The following XRCC4 variants were observed in gnomAD, a reference collection of about 807,000 sequenced individuals.
The protein encoded by XRCC4 is DNA repair protein XRCC4.
XRCC4 carries 28 observed loss-of-function variants against 39.1 expected under a neutral mutation model. The observed-to-expected ratio is 0.72, with a 90% confidence interval of 0.53 to 0.98. The LOEUF (loss-of-function observed/expected upper bound fraction) is 0.98. Ranked by LOEUF, XRCC4 falls within the 50% of genes least tolerant of loss-of-function variation. The probability of loss-of-function intolerance (pLI) is 0.00; values close to 1 mark genes in which losing one functional copy is unlikely to be tolerated. For missense variants in XRCC4, 350 were observed against 376.4 expected, an observed-to-expected ratio of 0.93 and a Z score of 0.58; for synonymous variants, 123 against 126.4, an observed-to-expected ratio of 0.97 and a Z score of 0.18.
At chr5:83,252,043 A>G (rs1428582807) in intron 6 of XRCC4, among the ~76,000 whole-genome samples, 1 of 152,218 alleles carries the variant, frequency 6.6e-6, no homozygotes, top group Non-Finnish European at 1.5e-5. Flanking sequence ...CTACCTCAAG[A>G]TAGGTAACTT....
chr5:83,216,864 G>A (rs895469404), intron 6 of XRCC4, among the ~76,000 whole-genome samples: 2 of 152,048 alleles, frequency 1.3e-5, no homozygotes, highest in African/African-American at 4.8e-5. Context: ...GGACATGATG[G>A]AACTGTCCTA....
chr5:83,350,389 A>G (rs895942897), intron 7 of XRCC4, among the ~76,000 whole-genome samples: 2 of 152,224 alleles, frequency 1.3e-5, no homozygotes, highest in Admixed American at 6.5e-5. Flanking sequence ...CCAACAATGT[A>G]TAAGTGTCCC....
chr5:83,332,225 C>A, intron 7 of XRCC4, among the ~76,000 whole-genome samples: 1 of 88,488 alleles, frequency 1.1e-5, no homozygotes, highest in African/African-American at 5.0e-5. Context: ...TTTCAATCTT[C>A]TACACACACA....
At chr5:83,229,853 A>G (rs563960694) in intron 6 of XRCC4, among the ~76,000 whole-genome samples, 1 of 151,990 alleles carries the variant, frequency 6.6e-6, no homozygotes, top group South Asian at 2.1e-4. Context: ...ATTATTAGAA[A>G]GTTAATTTAT....
At chr5:83,200,044 T>G (rs1751117272) in intron 4 of XRCC4, among the ~76,000 whole-genome samples, 1 of 152,130 alleles carries the variant, frequency 6.6e-6, no homozygotes, top group Non-Finnish European at 1.5e-5. Flanking sequence ...CACTAAATGT[T>G]CTCACCTAAC....
intron 7 of XRCC4, among the ~76,000 whole-genome samples, chr5:83,290,405 A>G (rs1411334701): frequency 2.0e-5 from 3 of 151,036 alleles, no homozygotes; most frequent in African/African-American, 4.8e-5. Flanking sequence ...AAACTTAAAT[A>G]TCTATATTTT....
intron 7 of XRCC4, among the ~76,000 whole-genome samples, chr5:83,289,040 G>A (rs1754828151): frequency 6.6e-6 from 1 of 151,360 alleles, no homozygotes; most frequent in Non-Finnish European, 1.5e-5. Flanking sequence ...TTCATTAACT[G>A]TATTTATTCT....
chr5:83,153,144 C>CT (rs1481672545), intron 3 of XRCC4, among the ~76,000 whole-genome samples: 5 of 151,766 alleles, frequency 3.3e-5, no homozygotes, highest in Non-Finnish European at 5.9e-5. Context: ...TTAGGACTGG[C>CT]TTTTTTTCAC....
chr5:83,221,550 T>C (rs1447581335), intron 6 of XRCC4, among the ~76,000 whole-genome samples: 4 of 152,094 alleles, frequency 2.6e-5, no homozygotes, highest in Admixed American at 2.6e-4. Flanking sequence ...TTATATTCCA[T>C]GCCTTCATTT....
chr5:83,367,446 A>G, the XRCC4 span, among the ~76,000 whole-genome samples: 16 of 152,258 alleles, frequency 1.1e-4, no homozygotes, highest in Non-Finnish European at 1.3e-4. Context: ...CATCCTGCTC[A>G]TCGTTTACTG....
chr5:83,280,425 T>C (rs1014721495), intron 7 of XRCC4: 5 of 658,488 alleles, frequency 7.6e-6, no homozygotes, highest in African/African-American at 3.7e-5. Context: ...TTATTAATGG[T>C]GCCGCAATTT....
intron 3 of XRCC4, among the ~76,000 whole-genome samples, chr5:83,195,038 T>C (rs1750880107): frequency 6.6e-6 from 1 of 152,192 alleles, no homozygotes; most frequent in Admixed American, 6.5e-5. Context: ...AGGATAAATA[T>C]AATCATTATT....
chr5:83,178,541 C>G (rs1395208445), intron 3 of XRCC4, among the ~76,000 whole-genome samples: 1 of 152,004 alleles, frequency 6.6e-6, no homozygotes, highest in Non-Finnish European at 1.5e-5. Flanking sequence ...CAAGCCAGTG[C>G]AAGCAAAATA....
intron 6 of XRCC4, among the ~76,000 whole-genome samples, chr5:83,225,255 A>T (rs1752243317): frequency 6.6e-6 from 1 of 151,880 alleles, no homozygotes; most frequent in African/African-American, 2.4e-5. Context: ...TAGGAGCCAG[A>T]CTCTTAAGTT....
At chr5:83,174,343 T>G (rs1749858269) in intron 3 of XRCC4, among the ~76,000 whole-genome samples, 1 of 152,206 alleles carries the variant, frequency 6.6e-6, no homozygotes, top group African/African-American at 2.4e-5. Context: ...TTTAAAAATT[T>G]TTTTTGAAGA....
At chr5:83,162,848 C>T (rs1242330492) in intron 3 of XRCC4, among the ~76,000 whole-genome samples, 1 of 152,044 alleles carries the variant, frequency 6.6e-6, no homozygotes, top group Non-Finnish European at 1.5e-5. Flanking sequence ...TGAGCATAGT[C>T]CCTGCTGCTA....
In XRCC4 at chr5:83,110,650, T is replaced by G. The variant is rs368773830; in HGVS notation, c.140-378T>G. On this transcript the variant is annotated intron_variant, in intron 2 of 7. Transcript: ENST00000396027. ...AACACAGTATAGGCTATTGAATCTT[T>G]GATGCAAGGAAGAAAGATGTTATAA... Among the ~76,000 whole-genome samples the G allele has an allele frequency of 1.1e-4, 17 of 152,186 alleles. 1 individual carries two copies. The East Asian group carries it at 2.5e-3, about 22-fold the overall frequency.
chr5:83,340,068 A>G (rs1413296602), intron 7 of XRCC4, among the ~76,000 whole-genome samples: 2 of 152,096 alleles, frequency 1.3e-5, no homozygotes, highest in Non-Finnish European at 2.9e-5. Flanking sequence ...ATAAGACCCA[A>G]TGTCTGTTTC....
Position 83,258,575 on chromosome 5 carries a change from CT to C in XRCC4, c.792del (p.Asp265IlefsTer55). 1 of 1,608,990 alleles carries C rather than the reference CT, an allele frequency of 6.2e-7. No homozygotes were observed. Among genetic ancestry groups the C allele is most frequent in the Non-Finnish European group, 8.5e-7 (1 of 1,178,592 alleles). On this transcript the variant is annotated frameshift_variant, in exon 7 of 8. Coordinates refer to ENST00000396027, the MANE Select transcript of XRCC4 (RefSeq NM_003401.5). LOFTEE classifies it high-confidence loss of function. The stretch of plus-strand genomic sequence containing the variant: ...TCCATTATTTCAAGTCTTGATGTCA[CT>C]GATATTGCACCAAGTAGAAAAAGGA... ...DDSIISSLDV[T>X]DIAPSRKRRQ...
Sources: gnomAD v4.1 joint callset for allele counts (sites outside exome capture counted in the v4.1 genomes callset) on GRCh38, gnomAD v4.1.1 for gene constraint, MANE v1.5 for transcripts, NCBI Gene and HGNC (gene_info 2026-07-23, HGNC 2026-07-21) for gene names.